RNF212B: variants seen among roughly 807,000 people sequenced by gnomAD.
RNF212B encodes the protein ring finger protein 212B.
RNF212B carries 52 observed loss-of-function variants against 55.5 expected under a neutral mutation model. The ratio of observed to expected loss-of-function variants is 0.94; its 90% confidence interval spans 0.75 to 1.18. RNF212B has a LOEUF of 1.18. RNF212B is among the 50% of genes most tolerant of loss of function. The probability of loss-of-function intolerance (pLI) is 0.00; values close to 1 mark genes in which losing one functional copy is unlikely to be tolerated. For synonymous variants in RNF212B, 99 were observed against 121.4 expected (o/e 0.82, Z 1.21); for missense variants, 289 against 350.4 (o/e 0.82, Z 1.40).
chr14:23,247,911 C>T (rs1037288406), intron 4 of RNF212B, among the ~76,000 whole-genome samples: 6 of 152,116 alleles, frequency 3.9e-5, no homozygotes, highest in African/African-American at 1.2e-4. Flanking sequence ...TCTGTCTGGG[C>T]TGCTATAATA....
intron 11 of RNF212B, among the ~76,000 whole-genome samples, chr14:23,264,933 T>C (rs1339365202): frequency 6.6e-6 from 1 of 151,994 alleles, no homozygotes; most frequent in Non-Finnish European, 1.5e-5. Flanking sequence ...GCGATTCTCC[T>C]GCCTCAGCCT....
chr14:23,237,131 A>ATT (rs35099689), upstream of RNF212B, among the ~76,000 whole-genome samples: 88 of 140,648 alleles, frequency 6.3e-4, no homozygotes, highest in East Asian at 0.013. Flanking sequence ...CACCCGGCTA[A>ATT]TTTTTTTTTT....
At chr14:23,187,320 C>A (rs1008126985) in intron 1 of RNF212B, among the ~76,000 whole-genome samples, 4 of 152,052 alleles carry the variant, frequency 2.6e-5, no homozygotes, top group African/African-American at 9.7e-5. Flanking sequence ...ACACACACAA[C>A]CCCCACGCAG....
At chr14:23,194,745 A>AAAG (rs1555308707) in intron 2 of RNF212B, among the ~76,000 whole-genome samples, 1 of 151,370 alleles carries the variant, frequency 6.6e-6, no homozygotes, top group African/African-American at 2.4e-5. Flanking sequence ...AAAAAAAAAA[A>AAAG]AAAAAAAAAA....
chr14:23,248,029 G>T (rs111824086), intron 4 of RNF212B, among the ~76,000 whole-genome samples: 2,556 of 152,120 alleles, frequency 0.017, 79 homozygotes, highest in African/African-American at 0.059. Context: ...GTCGGGGGAG[G>T]GCTTACTCTT....
chr14:23,228,818 A>G (rs1314379908), intron 2 of RNF212B, among the ~76,000 whole-genome samples: 1 of 152,160 alleles, frequency 6.6e-6, no homozygotes, highest in African/African-American at 2.4e-5. Flanking sequence ...GCATGCAGAA[A>G]TGGGCTTGAA....
intron 2 of RNF212B, among the ~76,000 whole-genome samples, chr14:23,195,290 C>A (rs377518819): frequency 3.3e-5 from 5 of 151,182 alleles, no homozygotes; most frequent in African/African-American, 1.2e-4. Flanking sequence ...CCATGAGATG[C>A]AGCTAAAGTA....
At chr14:23,257,938 C>T (rs954950177) in intron 4 of RNF212B, among the ~76,000 whole-genome samples, 9 of 152,068 alleles carry the variant, frequency 5.9e-5, no homozygotes, top group African/African-American at 1.9e-4. Flanking sequence ...AAGTTAGAAC[C>T]AATTCTAAGC....
intron 4 of RNF212B, among the ~76,000 whole-genome samples, chr14:23,250,314 A>G (rs1032374310): frequency 1.3e-5 from 2 of 151,950 alleles, no homozygotes; most frequent in African/African-American, 4.8e-5. Context: ...CCCTGTCTCT[A>G]CTAAAAATAC....
intron 1 of RNF212B, among the ~76,000 whole-genome samples, chr14:23,186,616 G>A (rs373994408): frequency 6.6e-6 from 1 of 152,122 alleles, no homozygotes; most frequent in African/African-American, 2.4e-5. Context: ...CCAAAGTGCT[G>A]GGATTACTCT....
chr14:23,234,693 G>A (rs191230671), upstream of RNF212B, among the ~76,000 whole-genome samples: 20 of 152,290 alleles, frequency 1.3e-4, no homozygotes, highest in Admixed American at 1.1e-3. Flanking sequence ...AATTACAGAC[G>A]TTTTATAATA....
chr14:23,262,794 T>C, intron 8 of RNF212B, 83 bp downstream of exon 8: 8 of 1,441,160 alleles, frequency 5.6e-6, no homozygotes, highest in Non-Finnish European at 7.6e-6. Context: ...TCAGAGACAA[T>C]AATGTGATCT....
intron 4 of RNF212B, among the ~76,000 whole-genome samples, chr14:23,258,129 G>A (rs1312062920): frequency 3.9e-5 from 6 of 151,942 alleles, no homozygotes; most frequent in Non-Finnish European, 5.9e-5. Context: ...ACCTGAGGTC[G>A]GAAGTTCAAG....
intron 2 of RNF212B, among the ~76,000 whole-genome samples, chr14:23,232,623 T>A (rs1478863976): frequency 7.7e-6 from 1 of 129,100 alleles, no homozygotes; most frequent in Non-Finnish European, 1.6e-5. Context: ...CCGGCCAGCC[T>A]CCCCGTCCGG....
intron 2 of RNF212B, among the ~76,000 whole-genome samples, chr14:23,200,125 A>G (rs1879143848): frequency 6.6e-6 from 1 of 152,026 alleles, no homozygotes; most frequent in Admixed American, 6.6e-5. Context: ...AAGATAAATC[A>G]TGGTAGGATT....
At chr14:23,197,600 C>A (rs1361133873) in intron 2 of RNF212B, among the ~76,000 whole-genome samples, 2 of 151,672 alleles carry the variant, frequency 1.3e-5, no homozygotes, top group African/African-American at 4.8e-5. Flanking sequence ...TTTAAAAAAA[C>A]AAATATAATT....
chr14:23,205,002 GT>G (rs1407308481), intron 2 of RNF212B, among the ~76,000 whole-genome samples: 1 of 152,036 alleles, frequency 6.6e-6, no homozygotes, highest in Non-Finnish European at 1.5e-5. Context: ...TTTTAACTCA[GT>G]TTTTTTCCTA....
chr14:23,218,757 G>A (rs762945149), intron 2 of RNF212B, among the ~76,000 whole-genome samples: 1 of 152,140 alleles, frequency 6.6e-6, no homozygotes, highest in Non-Finnish European at 1.5e-5. Context: ...GAGAAAGAGA[G>A]CTAGGGGTAG....
chr14:23,199,359 C>T (rs1251237445), intron 2 of RNF212B, among the ~76,000 whole-genome samples: 1 of 152,154 alleles, frequency 6.6e-6, no homozygotes, highest in Admixed American at 6.5e-5. Flanking sequence ...TTTTGAGATT[C>T]TGTTAGCCTT....
Sources: allele counts gnomAD v4.1 joint callset (sites outside exome capture counted in the v4.1 genomes callset), GRCh38; gene constraint gnomAD v4.1.1; transcripts MANE v1.5; gene names NCBI Gene and HGNC (gene_info 2026-07-23, HGNC 2026-07-21).